The following ACTR3C variants were observed in gnomAD, a reference collection of about 807,000 sequenced individuals.
The protein encoded by ACTR3C is actin related protein 3C, also known as actin-related protein 3C.
In ACTR3C, 18 loss-of-function variants were observed where a neutral mutation model predicts 26.3. The ratio of observed to expected loss-of-function variants is 0.68; its 90% CI spans 0.47 to 1.01. ACTR3C has a LOEUF of 1.01. ACTR3C is among the 50% of genes least tolerant of loss of function. ACTR3C has a pLI of 0.00. For synonymous variants in ACTR3C, 55 were observed against 94.5 expected (o/e 0.58, Z 2.42); for missense variants, 184 against 250.7 (o/e 0.73, Z 1.80).
the ACTR3C span, among the ~76,000 whole-genome samples, chr7:150,020,406 T>G: frequency 6.6e-6 from 1 of 152,100 alleles, no homozygotes; most frequent in African/African-American, 2.4e-5. Flanking sequence ...AGAGACCTAT[T>G]TCGGTTTCTG....
intron 1 of ACTR3C, among the ~76,000 whole-genome samples, chr7:150,315,186 G>T (rs905873352): frequency 1.3e-5 from 2 of 150,328 alleles, no homozygotes; most frequent in East Asian, 1.9e-4. Context: ...AGTAGGCAAA[G>T]ATTTCTCTAA....
chr7:150,046,535 C>T, the ACTR3C span, among the ~76,000 whole-genome samples: 253 of 149,976 alleles, frequency 1.7e-3, 3 homozygotes, highest in Admixed American at 1.9e-3. Flanking sequence ...CCAGGTTGAG[C>T]AGTTGTGAAA....
At chr7:150,243,454 A>C (rs998213515), downstream of ACTR3C, among the ~76,000 whole-genome samples, 7 of 152,062 alleles carry the variant, frequency 4.6e-5, no homozygotes, top group African/African-American at 1.7e-4. Context: ...CTTATGGTTA[A>C]TTCTCATTTG....
At chr7:150,079,806 C>T in the ACTR3C span, among the ~76,000 whole-genome samples, 1 of 152,100 alleles carries the variant, frequency 6.6e-6, no homozygotes, top group African/African-American at 2.4e-5. Context: ...CCAAGTGCAC[C>T]CCTTAATGCC....
At chr7:150,147,001 G>A in the ACTR3C span, among the ~76,000 whole-genome samples, 183 of 152,184 alleles carry the variant, frequency 1.2e-3, 1 homozygote, top group African/African-American at 3.9e-3. Flanking sequence ...TGAAAAATGC[G>A]GTGTATCCTG....
At chr7:150,070,653 G>A in the ACTR3C span, among the ~76,000 whole-genome samples, 686 of 152,286 alleles carry the variant, frequency 4.5e-3, 8 homozygotes, top group African/African-American at 0.016. Context: ...GTTTTGCCAT[G>A]TTGCCCAGGC....
chr7:149,964,189 C>T, the ACTR3C span, among the ~76,000 whole-genome samples: 1 of 152,340 alleles, frequency 6.6e-6, no homozygotes, highest in Middle Eastern at 3.4e-3. Flanking sequence ...GTGGCATCTC[C>T]TGGTGGCCCA....
the ACTR3C span, among the ~76,000 whole-genome samples, chr7:150,093,319 GAAC>G: frequency 1.3e-5 from 2 of 151,178 alleles, no homozygotes; most frequent in Non-Finnish European, 2.9e-5. Context: ...GATTTTTCAA[GAAC>G]AACAAACTTT....
the ACTR3C span, among the ~76,000 whole-genome samples, chr7:149,939,672 C>A: frequency 6.6e-6 from 1 of 150,760 alleles, no homozygotes; most frequent in Non-Finnish European, 1.5e-5. Flanking sequence ...CAGCAGATAC[C>A]TCACTGGGTT....
chr7:149,889,014 A>T, the ACTR3C span, among the ~76,000 whole-genome samples: 1 of 152,254 alleles, frequency 6.6e-6, no homozygotes, highest in East Asian at 1.9e-4. Context: ...ACCTGAAAAA[A>T]AAATAAAAAA....
chr7:150,095,151 G>A, the ACTR3C span, among the ~76,000 whole-genome samples: 6 of 149,000 alleles, frequency 4.0e-5, no homozygotes, highest in African/African-American at 1.3e-4. Flanking sequence ...CTAATTTTTC[G>A]ATAAGCTATT....
the ACTR3C span, among the ~76,000 whole-genome samples, chr7:150,041,817 G>A: frequency 9.0e-5 from 13 of 144,942 alleles, no homozygotes; most frequent in African/African-American, 3.1e-4. Context: ...CTGCGATGGG[G>A]GTACTAAGAG....
the ACTR3C span, among the ~76,000 whole-genome samples, chr7:150,109,783 AAC>A: frequency 2.0e-5 from 3 of 149,660 alleles, no homozygotes; most frequent in Non-Finnish European, 4.4e-5. Context: ...ATAAGATTTG[AAC>A]AGACTTCCAG....
At chr7:150,184,516 T>C in the ACTR3C span, among the ~76,000 whole-genome samples, 6 of 150,220 alleles carry the variant, frequency 4.0e-5, no homozygotes, top group African/African-American at 1.5e-4. Flanking sequence ...GGTGAATCTA[T>C]CTCCATTCTT....
chr7:150,173,872 C>G, the ACTR3C span, among the ~76,000 whole-genome samples: 4 of 148,226 alleles, frequency 2.7e-5, no homozygotes, highest in East Asian at 7.8e-4. Context: ...CCACCAGTCT[C>G]TTTGCTAAAA....
chr7:150,081,591 T>G, the ACTR3C span, among the ~76,000 whole-genome samples: 1 of 151,434 alleles, frequency 6.6e-6, no homozygotes, highest in African/African-American at 2.5e-5. Flanking sequence ...ATTAAATAGA[T>G]GCATCACAGA....
chr7:150,294,944 C>T (rs568379072), intron 2 of ACTR3C, among the ~76,000 whole-genome samples: 53 of 151,940 alleles, frequency 3.5e-4, no homozygotes, highest in African/African-American at 1.2e-3. Context: ...TTTTTCTGAT[C>T]AAAGTCAAAG....
chr7:150,135,800 G>A, the ACTR3C span, among the ~76,000 whole-genome samples: 5 of 139,180 alleles, frequency 3.6e-5, no homozygotes, highest in South Asian at 6.9e-4. Context: ...GAAACGAAAC[G>A]AAAGAAAGGA....
At chr7:149,958,324 A>T in the ACTR3C span, among the ~76,000 whole-genome samples, 1 of 152,136 alleles carries the variant, frequency 6.6e-6, no homozygotes, top group South Asian at 2.1e-4. Flanking sequence ...TCTCACAACC[A>T]AAGAGTTCCA....
Sources: gnomAD v4.1 joint callset for allele counts (sites outside exome capture counted in the v4.1 genomes callset) on GRCh38, gnomAD v4.1.1 for gene constraint, MANE v1.5 for transcripts, NCBI Gene and HGNC (gene_info 2026-07-23, HGNC 2026-07-21) for gene names.